DOCK3: variants seen among roughly 807,000 people sequenced by gnomAD.
The protein encoded by DOCK3 is dedicator of cytokinesis 3, also known as dedicator of cytokinesis protein 3.
In DOCK3, 60 loss-of-function variants were observed where a neutral mutation model predicts 265.6. The ratio of observed to expected loss-of-function variants is 0.23; its 90% CI spans 0.18 to 0.28. The LOEUF is 0.28. Ranked by LOEUF, DOCK3 falls within the 10% of genes least tolerant of loss-of-function variation. The pLI is 1.00. For missense variants in DOCK3, 1,981 were observed against 2,594.3 expected (o/e 0.76, Z 5.14); for synonymous variants, 881 against 938.0 (o/e 0.94, Z 1.11).
chr3:51,312,458 C>G lies in DOCK3; in HGVS notation c.3094-18C>G. ...AAGTTCTTAGACTGTCACATTTTCT[C>G]TTTCTCTGTCTGTCTAGGTGTGGAA... On this transcript the variant is annotated intron_variant, in intron 29 of 52. Transcript: ENST00000266037. The G allele has an allele frequency of 1.2e-6, 2 of 1,607,644 alleles. No individual in the cohort carries two copies. Among genetic ancestry groups the G allele is most frequent in the Non-Finnish European group, 1.7e-6 (2 of 1,174,606 alleles).
intron 12 of DOCK3, among the ~76,000 whole-genome samples, chr3:51,193,621 C>G (rs1576368523): frequency 1.3e-5 from 2 of 151,894 alleles, no homozygotes; most frequent in South Asian, 2.1e-4. Context: ...CAGGGTTTTT[C>G]TTTCTTTCCA....
chr3:51,032,440 A>G (rs1413346696), intron 5 of DOCK3, among the ~76,000 whole-genome samples: 1 of 152,102 alleles, frequency 6.6e-6, no homozygotes, highest in Non-Finnish European at 1.5e-5. Flanking sequence ...TAATTTTGAC[A>G]TTGGTATTCT....
Position 51,236,375 on chromosome 3 carries a change from G to A in DOCK3, c.1948G>A (p.Val650Met). The A allele has an allele frequency of 6.2e-7, 1 of 1,613,506 alleles. No individual in the cohort carries two copies. The change falls in exon 20 of 53, where the codon GTG (valine) becomes ATG (methionine). Residue 650 changes from valine to methionine, a missense_variant. Physicochemically the swap from Val to Met is conservative, Grantham distance 21. Transcript: ENST00000266037. ...GCAGGACATCTTAGATACACTCTTT[G>A]TGATTTTGGATGATAATACAGAGAA... The part of the protein sequence containing the change: ...FLQDILDTLF[V>M]ILDDNTEKYG...
intron 1 of DOCK3, among the ~76,000 whole-genome samples, chr3:50,685,067 A>T (rs2107690445): frequency 6.6e-6 from 1 of 152,254 alleles, no homozygotes; most frequent in African/African-American, 2.4e-5. Flanking sequence ...TTTAAAATAA[A>T]TTTGGAACCA....
intron 5 of DOCK3, among the ~76,000 whole-genome samples, chr3:50,937,285 A>AAAG (rs1237510890): frequency 2.0e-5 from 3 of 151,184 alleles, no homozygotes; most frequent in African/African-American, 7.3e-5. Context: ...CTAAAAAAAA[A>AAAG]AAAAAAAAAA....
At chr3:50,966,483 GT>G (rs140247895) in intron 5 of DOCK3, among the ~76,000 whole-genome samples, 99,521 of 116,928 alleles carry the variant, frequency 0.85, 41,863 homozygotes, top group South Asian at 0.9. Context: ...GTTATCTCTT[GT>G]TTTTTTTTTT....
chr3:50,886,424 A>G (rs2048342061), intron 3 of DOCK3, among the ~76,000 whole-genome samples: 2 of 151,784 alleles, frequency 1.3e-5, no homozygotes, highest in Admixed American at 6.6e-5. Flanking sequence ...TATTATTATT[A>G]TACTTTAAGT....
chr3:50,840,999 A>G (rs1373745792), intron 2 of DOCK3, among the ~76,000 whole-genome samples: 1 of 152,178 alleles, frequency 6.6e-6, no homozygotes, highest in Non-Finnish European at 1.5e-5. Flanking sequence ...TTCTTTAAAT[A>G]CAACTCTTGG....
intron 5 of DOCK3, among the ~76,000 whole-genome samples, chr3:51,022,510 G>A (rs1025865869): frequency 6.6e-6 from 1 of 152,142 alleles, no homozygotes; most frequent in Non-Finnish European, 1.5e-5. Context: ...CCAGTTACAT[G>A]TGTGTTAGAT....
chr3:50,931,067 G>A (rs910983710), intron 4 of DOCK3, among the ~76,000 whole-genome samples: 6 of 152,136 alleles, frequency 3.9e-5, no homozygotes, highest in African/African-American at 9.7e-5. Flanking sequence ...GGTAGGGCAC[G>A]GGAGACTCAC....
intron 3 of DOCK3, among the ~76,000 whole-genome samples, chr3:50,878,312 T>C (rs148366291): frequency 0.099 from 15,090 of 152,114 alleles, 928 homozygotes; most frequent in Non-Finnish European, 0.13. Context: ...TTCGGACGAT[T>C]GGTAATAACA....
At chr3:51,200,953 C>A (rs879053434) in intron 12 of DOCK3, among the ~76,000 whole-genome samples, 1 of 152,044 alleles carries the variant, frequency 6.6e-6, no homozygotes, top group African/African-American at 2.4e-5. Flanking sequence ...GAAATAAAAT[C>A]CTTTACAGAC....
At chr3:51,180,108 T>G (rs2087195124) in intron 12 of DOCK3, among the ~76,000 whole-genome samples, 1 of 150,046 alleles carries the variant, frequency 6.7e-6, no homozygotes, top group African/African-American at 2.5e-5. Flanking sequence ...CTCACAAGGC[T>G]GAGGCAGGAG....
chr3:50,723,635 G>A (rs902773123), intron 1 of DOCK3, among the ~76,000 whole-genome samples: 2 of 152,204 alleles, frequency 1.3e-5, no homozygotes, highest in African/African-American at 4.8e-5. Context: ...GGGAAAACTG[G>A]CTAGCCATAT....
At chr3:50,832,052 C>G (rs1315518538) in intron 2 of DOCK3, among the ~76,000 whole-genome samples, 2 of 152,092 alleles carry the variant, frequency 1.3e-5, no homozygotes, top group African/African-American at 4.8e-5. Context: ...CTGTTCATAT[C>G]CTTTGCCCAC....
At chr3:51,326,312 G>A (rs1183928294) in intron 32 of DOCK3, among the ~76,000 whole-genome samples, 1 of 150,750 alleles carries the variant, frequency 6.6e-6, no homozygotes, top group Non-Finnish European at 1.5e-5. Flanking sequence ...CCAGGCTGGA[G>A]TGCAGCAGCA....
intron 3 of DOCK3, among the ~76,000 whole-genome samples, chr3:50,846,757 T>G (rs936368400): frequency 2.0e-5 from 3 of 152,224 alleles, no homozygotes; most frequent in Non-Finnish European, 2.9e-5. Flanking sequence ...TTCAGGAATT[T>G]ATCCATTTCC....
intron 4 of DOCK3, among the ~76,000 whole-genome samples, chr3:50,928,659 T>C (rs946154683): frequency 1.3e-5 from 2 of 152,204 alleles, no homozygotes; most frequent in African/African-American, 4.8e-5. Flanking sequence ...TCATACTTTT[T>C]CCTTTCTGAA....
intron 9 of DOCK3, among the ~76,000 whole-genome samples, chr3:51,120,919 C>T (rs981208431): frequency 2.0e-4 from 31 of 152,174 alleles, no homozygotes; most frequent in South Asian, 2.1e-4. Context: ...GGGTGGGATC[C>T]GCTGAGCAAG....
Sources: allele counts gnomAD v4.1 joint callset (sites outside exome capture counted in the v4.1 genomes callset), GRCh38; gene constraint gnomAD v4.1.1; transcripts MANE v1.5; gene names NCBI Gene and HGNC (gene_info 2026-07-23, HGNC 2026-07-21).